The following LARP7 variants were observed in gnomAD, a reference collection of about 807,000 sequenced individuals.
LARP7 encodes la-related protein 7.
In LARP7, 52 loss-of-function variants were observed where a neutral mutation model predicts 69.3. The observed-to-expected ratio is 0.75, with a 90% CI of 0.60 to 0.95. The LOEUF (loss-of-function observed/expected upper bound fraction) is 0.95, where lower values mean the gene tolerates loss of function less well. Among genes scored for constraint, LARP7 ranks in the 40% least tolerant of loss-of-function variants. The pLI is 0.00. For synonymous variants in LARP7, 254 were observed against 215.9 expected, an observed-to-expected ratio of 1.18 and a Z score of -1.55; for missense variants, 733 against 673.0, an observed-to-expected ratio of 1.09 and a Z score of -0.99.
intron 9 of LARP7, 57 bp from the exon 10 acceptor site, chr4:112,650,404 T>G: frequency 6.4e-7 from 1 of 1,572,194 alleles, no homozygotes; most frequent in African/African-American, 1.4e-5. Flanking sequence ...CTCCTAAGTA[T>G]TAAATTGTTG....
At chr4:112,650,614 C>G in intron 10 of LARP7, 32 bp downstream of exon 10, 1 of 1,579,994 alleles carries the variant, frequency 6.3e-7, no homozygotes, top group East Asian at 2.3e-5. Context: ...GGTATTTGTT[C>G]CTTTCTTCTC....
intron 1 of LARP7, among the ~76,000 whole-genome samples, chr4:112,641,379 C>A: frequency 6.6e-6 from 1 of 150,624 alleles, no homozygotes; most frequent in African/African-American, 2.4e-5. Context: ...CAGAGTGAGA[C>A]TCCGTCTCAG....
intron 2 of LARP7, among the ~76,000 whole-genome samples, chr4:112,645,882 G>C (rs570323318): frequency 1.3e-5 from 2 of 152,076 alleles, no homozygotes; most frequent in South Asian, 4.1e-4. Flanking sequence ...TGTCCTCTTT[G>C]AATGTCTGGG....
rs1380478034 is a variant in LARP7, at chr4:112,654,167, A to G, written c.1668+8A>G. 1.2e-6 allele frequency: 2 copies of G among 1,609,180 alleles called. No individual in the cohort carries two copies. Among genetic ancestry groups the G allele is most frequent in the South Asian group, 1.1e-5 (1 of 90,978 alleles). On this transcript the variant is annotated splice_region_variant and intron_variant, in intron 12 of 12. Transcript: ENST00000344442. ...AAAAGAGGCACTGAAAAGGTAATTGATTCATTTTTGTTTTTTTAGACTAAA... is the reference window on the plus strand; with the variant it reads ...AAAAGAGGCACTGAAAAGGTAATTGGTTCATTTTTGTTTTTTTAGACTAAA...
intron 8 of LARP7, chr4:112,648,764 T>C: frequency 3.7e-6 from 1 of 269,756 alleles, no homozygotes; most frequent in Non-Finnish European, 7.7e-6. Context: ...CTTTTGCCTT[T>C]TTATCTCAGA....
chr4:112,656,372 T>A (rs1458734744), intron 12 of LARP7, among the ~76,000 whole-genome samples: 1 of 152,148 alleles, frequency 6.6e-6, no homozygotes, highest in Non-Finnish European at 1.5e-5. Flanking sequence ...CACCACAGCC[T>A]GGGCAACAGA....
At chr4:112,642,503 A>G (rs888505151) in intron 1 of LARP7, among the ~76,000 whole-genome samples, 5 of 152,236 alleles carry the variant, frequency 3.3e-5, no homozygotes, top group African/African-American at 9.6e-5. Flanking sequence ...CTTACTGGAT[A>G]TCACTTTGAA....
At chr4:112,644,326 G>A (rs967318289) in intron 1 of LARP7, 6 of 309,854 alleles carry the variant, frequency 1.9e-5, no homozygotes, top group Middle Eastern at 6.4e-4. Context: ...GGGGTGTTGC[G>A]ATGGAGAGTG....
chr4:112,639,550 A>T (rs924324735), intron 1 of LARP7, among the ~76,000 whole-genome samples: 11 of 150,128 alleles, frequency 7.3e-5, no homozygotes, highest in South Asian at 2.1e-4. Context: ...TTTTTTTTTT[A>T]AAACAGTGTT....
chr4:112,654,740 A>G (rs540662874), intron 12 of LARP7: 1 of 152,406 alleles, frequency 6.6e-6, no homozygotes, highest in South Asian at 2.1e-4. Context: ...ACTGCTTTCC[A>G]GCTTAGGCAA....
Position 112,654,140 on chromosome 4 carries a change from A to T in LARP7, c.1649A>T (p.Lys550Met). 6.2e-7 allele frequency: 1 copy of T among 1,613,540 alleles called. No homozygotes were observed. ...RQAKLNQPRE[K>M]KRGTEKLITK... ...GCAAAACTTAATCAGCCTCGGGAAA[A>T]GAAAAGAGGCACTGAAAAGGTAATT... is the stretch of plus-strand genomic sequence containing the variant. The change falls in exon 12 of 13, where the codon AAG becomes ATG. Residue 550 changes from lysine to methionine, a missense_variant. Lys to Met is a moderately conservative substitution (Grantham distance 95, BLOSUM62 -1). Transcript: ENST00000344442.
At chr4:112,641,342 C>T (rs1323263186) in intron 1 of LARP7, among the ~76,000 whole-genome samples, 5 of 151,568 alleles carry the variant, frequency 3.3e-5, no homozygotes, top group Admixed American at 6.6e-5. Context: ...GAGCCGAGAT[C>T]GCGCCACTGC....
chr4:112,640,347 A>C (rs1402276703), intron 1 of LARP7, among the ~76,000 whole-genome samples: 1 of 152,242 alleles, frequency 6.6e-6, no homozygotes, highest in Non-Finnish European at 1.5e-5. Flanking sequence ...TTAGGTACTG[A>C]TGAAGTTAAA....
chr4:112,646,767 A>G (rs750173217), intron 4 of LARP7, 24 bp from the exon 5 acceptor site: 2 of 1,564,486 alleles, frequency 1.3e-6, no homozygotes, highest in South Asian at 1.2e-5. Context: ...GAAAAACTCT[A>G]ATATTGCTTT....
rs554403557 is a variant in LARP7, at chr4:112,645,191, C to T, written c.202+320C>T. Among the ~76,000 whole-genome samples the T allele has an allele frequency of 3.3e-5, 5 of 152,110 alleles. No individual in the cohort carries two copies. In the East Asian group the frequency reaches 9.7e-4, roughly 29 times the overall value. ...CGAACTCCTGACCTTGTGATCTGCC[C>T]ACCTCAGCCTCCCAAAATGCTGGGA... On this transcript the variant is annotated intron_variant, in intron 2 of 12. Transcript: ENST00000344442.
At chr4:112,643,970 C>G (rs1371945482) in intron 1 of LARP7, among the ~76,000 whole-genome samples, 1 of 151,948 alleles carries the variant, frequency 6.6e-6, no homozygotes, top group Non-Finnish European at 1.5e-5. Context: ...TTGCCAGGCG[C>G]GGCGGCTCAT....
chr4:112,645,605 C>T (rs1298615453), intron 2 of LARP7: 1 of 454,346 alleles, frequency 2.2e-6, no homozygotes, highest in Non-Finnish European at 4.4e-6. Context: ...CCCACCTCCA[C>T]CCCCTCAGCC....
rs534168966 is a variant in LARP7, at chr4:112,649,672, T to C, written c.1280T>C (p.Met427Thr). 34 of 1,589,168 alleles carry C rather than the reference T, an allele frequency of 2.1e-5. No homozygotes were observed. The South Asian group carries it at 3.3e-4, about 16-fold the overall frequency. Residue 427 changes from methionine (M) to threonine (T), a missense_variant, in exon 9 of 13, where the codon ATG becomes ACG. Transcript: ENST00000344442. ...TDSGVPQNTGMKNEKTANREE... is the reference protein window; with the variant it reads ...TDSGVPQNTGTKNEKTANREE... ...AGTGGAGTACCTCAAAACACTGGAA[T>C]GAAAAATGAAAAAAGTAAAGATCAC...
intron 8 of LARP7, chr4:112,648,566 C>CATACA (rs1442499781): frequency 1.9e-6 from 1 of 518,362 alleles, no homozygotes; most frequent in African/African-American, 1.9e-5. Flanking sequence ...GCCCACCCAA[C>CATACA]ATACAACTTC....
Sources: gnomAD v4.1 joint callset for allele counts (sites outside exome capture counted in the v4.1 genomes callset) on GRCh38, gnomAD v4.1.1 for gene constraint, MANE v1.5 for transcripts, NCBI Gene and HGNC (gene_info 2026-07-23, HGNC 2026-07-21) for gene names.